The following CUX1 variants were observed in gnomAD, a reference collection of about 807,000 sequenced individuals.
CUX1 encodes protein CASP.
CUX1 carries 31 observed loss-of-function variants against 158.8 expected under a neutral mutation model. The ratio of observed to expected loss-of-function variants is 0.20; its 90% CI spans 0.15 to 0.26. The LOEUF (loss-of-function observed/expected upper bound fraction) is 0.26. Ranked by LOEUF, CUX1 falls within the 10% of genes least tolerant of loss-of-function variation. The probability of loss-of-function intolerance (pLI) is 1.00; values close to 1 mark genes in which losing one functional copy is unlikely to be tolerated. For synonymous variants in CUX1, 879 were observed against 862.1 expected, an observed-to-expected ratio of 1.02 and a Z score of -0.34; for missense variants, 1,589 against 2,014.6, an observed-to-expected ratio of 0.79 and a Z score of 4.04.
chr7:102,097,616 A>G, intron 5 of CUX1, 115 bp downstream of exon 5: 1 of 1,104,162 alleles, frequency 9.1e-7, no homozygotes, highest in Non-Finnish European at 1.3e-6. Context: ...TATACACGTC[A>G]TAAAGTCAGG....
chr7:101,904,183 C>A (rs376236012), intron 1 of CUX1, among the ~76,000 whole-genome samples: 24 of 151,774 alleles, frequency 1.6e-4, no homozygotes, highest in Non-Finnish European at 2.8e-4. Flanking sequence ...GCCCGTAATC[C>A]CAGCTACTCA....
chr7:102,014,875 G>GA (rs1213773907), intron 2 of CUX1, among the ~76,000 whole-genome samples: 2 of 140,382 alleles, frequency 1.4e-5, no homozygotes, highest in African/African-American at 5.3e-5. Flanking sequence ...AAAAAAAAAA[G>GA]AAAAAAAGCA....
chr7:102,130,012 A>T (rs559528224), intron 8 of CUX1, among the ~76,000 whole-genome samples: 2 of 152,352 alleles, frequency 1.3e-5, no homozygotes, highest in African/African-American at 4.8e-5. Context: ...ATAGGAAGGC[A>T]GGAGCGAGCG....
intron 1 of CUX1, among the ~76,000 whole-genome samples, chr7:101,880,075 GA>G (rs1799558700): frequency 2.1e-5 from 1 of 46,894 alleles, no homozygotes; most frequent in African/African-American, 7.2e-5. Flanking sequence ...GGAAAAGGCT[GA>G]TTTTTTTTTA....
intron 3 of CUX1, among the ~76,000 whole-genome samples, chr7:102,037,723 T>A (rs1378770424): frequency 6.6e-6 from 1 of 151,992 alleles, no homozygotes; most frequent in Admixed American, 6.6e-5. Flanking sequence ...TTAAAATTTT[T>A]AAATAGGAGC....
chr7:102,059,759 G>A (rs1464624156), intron 3 of CUX1, among the ~76,000 whole-genome samples: 1 of 151,950 alleles, frequency 6.6e-6, no homozygotes, highest in East Asian at 1.9e-4. Context: ...ACCATGCTTT[G>A]CTCTTGAAAA....
chr7:102,141,220 C>T (rs1453765242), intron 8 of CUX1, among the ~76,000 whole-genome samples: 1 of 152,094 alleles, frequency 6.6e-6, no homozygotes. Flanking sequence ...TCGGTGCCAG[C>T]GAGAGGAAGA....
At chr7:102,205,033 C>T (rs914730620) in intron 19 of CUX1, 81 bp from the exon 20 acceptor site, 7 of 1,015,946 alleles carry the variant, frequency 6.9e-6, no homozygotes, top group Admixed American at 3.6e-5. Flanking sequence ...GAAGCCTCCC[C>T]GGGCCTTGCC....
chr7:102,167,430 G>T (rs1791174791), intron 9 of CUX1, among the ~76,000 whole-genome samples: 1 of 152,130 alleles, frequency 6.6e-6, no homozygotes, highest in Admixed American at 6.5e-5. Context: ...GGCTCCCGGG[G>T]ACACCTTGTA....
chr7:102,022,486 C>T (rs117219040), intron 2 of CUX1, among the ~76,000 whole-genome samples: 4,593 of 152,052 alleles, frequency 0.03, 91 homozygotes, highest in Non-Finnish European at 0.041. Context: ...GACATGGTGG[C>T]GCATGCCTCT....
chr7:102,101,961 T>C lies in CUX1; in HGVS notation c.407-2375T>C, dbSNP rs530499688. ...AATGCTGTATGTTTACACGAGAGTGTAGACCATTGACGTAGCAGAGCAGTT... is the reference window on the plus strand; with the variant it reads ...AATGCTGTATGTTTACACGAGAGTGCAGACCATTGACGTAGCAGAGCAGTT... On this transcript the variant is annotated intron_variant, in intron 5 of 23. Transcript: ENST00000292535. 3.1e-3 allele frequency among the ~76,000 whole-genome samples: 467 copies of C among 151,832 alleles called. 1 individual carries two copies. The highest frequency in any genetic ancestry group is 5.8e-3 in the Non-Finnish European group (393 of 67,948).
chr7:101,991,149 T>G (rs577375321), intron 2 of CUX1, among the ~76,000 whole-genome samples: 1 of 152,268 alleles, frequency 6.6e-6, no homozygotes, highest in Non-Finnish European at 1.5e-5. Context: ...GGGTGGCTTA[T>G]GAGATCCAGT....
chr7:102,160,930 A>G (rs1430625421), intron 9 of CUX1, among the ~76,000 whole-genome samples: 1 of 152,236 alleles, frequency 6.6e-6, no homozygotes, highest in Non-Finnish European at 1.5e-5. Context: ...GGTAAATTTT[A>G]TGCTTTGCGT....
chr7:102,179,862 C>T (rs149862639), intron 11 of CUX1, among the ~76,000 whole-genome samples: 139 of 152,318 alleles, frequency 9.1e-4, no homozygotes, highest in Non-Finnish European at 1.6e-3. Context: ...TTCCCCAACC[C>T]GGTACCTCCA....
chr7:102,078,349 T>C (rs542934198), intron 4 of CUX1, among the ~76,000 whole-genome samples: 1 of 152,312 alleles, frequency 6.6e-6, no homozygotes, highest in African/African-American at 2.4e-5. Flanking sequence ...GTGCTGAGAT[T>C]ACAGGCGTGA....
At chr7:102,218,644 C>T (rs1445827015) in intron 20 of CUX1, among the ~76,000 whole-genome samples, 4 of 151,460 alleles carry the variant, frequency 2.6e-5, no homozygotes, top group East Asian at 2.0e-4. Flanking sequence ...GCCGTGATTA[C>T]GCCACTGCAC....
At chr7:102,088,277 C>T (rs782607452) in intron 4 of CUX1, among the ~76,000 whole-genome samples, 2 of 152,250 alleles carry the variant, frequency 1.3e-5, no homozygotes, top group Admixed American at 6.5e-5. Flanking sequence ...GGATTACAAG[C>T]GTGAGCCACC....
intron 14 of CUX1, among the ~76,000 whole-genome samples, chr7:102,266,159 A>G (rs1156274026): frequency 6.7e-6 from 1 of 149,632 alleles, no homozygotes; most frequent in Non-Finnish European, 1.5e-5. Context: ...AGTTGAGATC[A>G]TGCCACTGCA....
At chr7:101,924,054 C>T (rs1452433051) in intron 2 of CUX1, among the ~76,000 whole-genome samples, 1 of 152,216 alleles carries the variant, frequency 6.6e-6, no homozygotes, top group Non-Finnish European at 1.5e-5. Context: ...CTTCCCGACC[C>T]TGGCAGGCAC....
Sources: allele counts gnomAD v4.1 joint callset (sites outside exome capture counted in the v4.1 genomes callset), GRCh38; gene constraint gnomAD v4.1.1; transcripts MANE v1.5; gene names NCBI Gene and HGNC (gene_info 2026-07-23, HGNC 2026-07-21).